Variants in CAMK2D observed in about 807,000 individuals in gnomAD.
CAMK2D encodes the protein calcium/calmodulin dependent protein kinase II delta.
In CAMK2D, 37 loss-of-function variants were observed where a neutral mutation model predicts 84.0. The ratio of observed to expected loss-of-function variants is 0.44; its 90% confidence interval spans 0.34 to 0.58. The LOEUF (loss-of-function observed/expected upper bound fraction) is 0.58. Among genes scored for constraint, CAMK2D ranks in the 20% least tolerant of loss-of-function variants. The pLI, the probability that CAMK2D is intolerant of heterozygous loss-of-function variation, is 0.02. For missense variants in CAMK2D, 448 were observed against 652.5 expected (o/e 0.69, Z 3.41); for synonymous variants, 202 against 212.5 (o/e 0.95, Z 0.43).
intron 2 of CAMK2D, among the ~76,000 whole-genome samples, chr4:113,672,648 CT>C (rs1261278223): frequency 1.5e-4 from 23 of 151,548 alleles, no homozygotes; most frequent in Non-Finnish European, 4.4e-5. Flanking sequence ...CACTTAAAAT[CT>C]TGCATCTATA....
chr4:113,636,274 C>T (rs1223056587), intron 3 of CAMK2D, among the ~76,000 whole-genome samples: 2 of 152,202 alleles, frequency 1.3e-5, no homozygotes, highest in African/African-American at 4.8e-5. Flanking sequence ...GTACATTCAG[C>T]TCTACTTTCA....
chr4:113,641,011 C>T (rs1310596211), intron 3 of CAMK2D, among the ~76,000 whole-genome samples: 1 of 152,202 alleles, frequency 6.6e-6, no homozygotes, highest in African/African-American at 2.4e-5. Flanking sequence ...CTTTATATCT[C>T]TAATTTGGGC....
At chr4:113,598,766 C>T (rs114328594) in intron 4 of CAMK2D, among the ~76,000 whole-genome samples, 6,068 of 152,158 alleles carry the variant, frequency 0.04, 354 homozygotes, top group East Asian at 0.19. Context: ...CTCACTGCAA[C>T]CTCTGCCTCC....
chr4:113,651,085 T>C (rs940508105), intron 3 of CAMK2D, among the ~76,000 whole-genome samples: 2 of 152,330 alleles, frequency 1.3e-5, no homozygotes, highest in African/African-American at 4.8e-5. Context: ...CAAAATCTTC[T>C]GTCATTTCAC....
chr4:113,561,103 G>T (rs1433083602), intron 4 of CAMK2D, among the ~76,000 whole-genome samples: 3 of 152,118 alleles, frequency 2.0e-5, no homozygotes, highest in Non-Finnish European at 4.4e-5. Flanking sequence ...AAAAGAGTTG[G>T]AAACAGGAAT....
At chr4:113,607,045 G>A (rs965309357) in intron 4 of CAMK2D, among the ~76,000 whole-genome samples, 4 of 151,916 alleles carry the variant, frequency 2.6e-5, no homozygotes, top group Admixed American at 6.6e-5. Context: ...ATATCATTCA[G>A]GAATAAAGGG....
intron 13 of CAMK2D, among the ~76,000 whole-genome samples, chr4:113,509,146 C>T (rs1041887832): frequency 7.2e-5 from 11 of 152,150 alleles, no homozygotes; most frequent in African/African-American, 2.2e-4. Context: ...CACCTTATGA[C>T]AGAAACAAGG....
At chr4:113,525,553 G>C (rs1306090158) in intron 8 of CAMK2D, among the ~76,000 whole-genome samples, 2 of 152,188 alleles carry the variant, frequency 1.3e-5, no homozygotes, top group African/African-American at 2.4e-5. Flanking sequence ...TCCAAAGAGA[G>C]AGTACAGGTC....
At chr4:113,496,322 G>T (rs1160275992) in intron 16 of CAMK2D, among the ~76,000 whole-genome samples, 1 of 151,982 alleles carries the variant, frequency 6.6e-6, no homozygotes, top group African/African-American at 2.4e-5. Context: ...TTGGCCTAAA[G>T]AATTGTATAT....
chr4:113,614,694 C>T (rs1336552572), intron 3 of CAMK2D, among the ~76,000 whole-genome samples: 2 of 152,050 alleles, frequency 1.3e-5, no homozygotes, highest in African/African-American at 4.8e-5. Context: ...AGAATTATCA[C>T]AAATAATAAA....
intron 2 of CAMK2D, among the ~76,000 whole-genome samples, chr4:113,751,744 T>C (rs1480287347): frequency 6.6e-6 from 1 of 152,112 alleles, no homozygotes; most frequent in Non-Finnish European, 1.5e-5. Context: ...CACTCCAGCT[T>C]GGGCGACAGA....
At chr4:113,457,192 T>A in intron 19 of CAMK2D, 143 bp downstream of exon 19, 1 of 1,429,206 alleles carries the variant, frequency 7.0e-7, no homozygotes, top group Non-Finnish European at 9.2e-7. Flanking sequence ...ATCATAAACC[T>A]TTCCCGTGAA....
At chr4:113,671,082 T>A (rs1383290028) in intron 2 of CAMK2D, among the ~76,000 whole-genome samples, 1 of 152,214 alleles carries the variant, frequency 6.6e-6, no homozygotes, top group Non-Finnish European at 1.5e-5. Context: ...GATAAACATA[T>A]TTTGTTATTC....
intron 2 of CAMK2D, among the ~76,000 whole-genome samples, chr4:113,741,081 G>A (rs895481795): frequency 4.6e-5 from 7 of 152,092 alleles, no homozygotes; most frequent in African/African-American, 1.7e-4. Flanking sequence ...AGTTATCACA[G>A]ACTGCTGCAG....
chr4:113,691,995 A>G (rs563307124), intron 2 of CAMK2D, among the ~76,000 whole-genome samples: 3 of 152,346 alleles, frequency 2.0e-5, no homozygotes, highest in African/African-American at 7.2e-5. Flanking sequence ...AAGAAAGTCA[A>G]CCATGAAACA....
At chr4:113,629,476 T>C (rs1043679890) in intron 3 of CAMK2D, among the ~76,000 whole-genome samples, 8 of 152,054 alleles carry the variant, frequency 5.3e-5, no homozygotes, top group Admixed American at 5.2e-4. Flanking sequence ...TCAATGCATA[T>C]ATAAACAAAT....
chr4:113,655,245 C>T (rs886829481), intron 3 of CAMK2D, among the ~76,000 whole-genome samples: 2 of 151,988 alleles, frequency 1.3e-5, no homozygotes, highest in Admixed American at 1.3e-4. Flanking sequence ...TAAACTGTGG[C>T]CCAGTGAATC....
At chr4:113,484,450 A>T (rs1589971919) in intron 16 of CAMK2D, among the ~76,000 whole-genome samples, 1 of 152,074 alleles carries the variant, frequency 6.6e-6, no homozygotes, top group East Asian at 1.9e-4. Context: ...ATCTCAGGAC[A>T]TTGCAAACAT....
At chr4:113,498,950 G>A (rs1017115319) in intron 16 of CAMK2D, among the ~76,000 whole-genome samples, 1 of 152,154 alleles carries the variant, frequency 6.6e-6, no homozygotes, top group Non-Finnish European at 1.5e-5. Context: ...ATAGTAAGGT[G>A]CTGGTATTCT....
Sources: allele counts gnomAD v4.1 joint callset (sites outside exome capture counted in the v4.1 genomes callset), GRCh38; gene constraint gnomAD v4.1.1; transcripts MANE v1.5; gene names NCBI Gene and HGNC (gene_info 2026-07-23, HGNC 2026-07-21).